Variants in SATL1 observed in about 807,000 individuals in gnomAD.
SATL1 encodes spermidine/spermine N(1)-acetyltransferase-like protein 1.
In SATL1, 47 loss-of-function variants were observed where a neutral mutation model predicts 51.8. The observed-to-expected ratio is 0.91, with a 90% CI of 0.72 to 1.16. The LOEUF is 1.16. SATL1 is among the 50% of genes most tolerant of loss of function. SATL1 has a pLI of 0.00. For missense variants in SATL1, 520 were observed against 526.4 expected, an observed-to-expected ratio of 0.99 and a Z score of 0.12; for synonymous variants, 176 against 182.4, an observed-to-expected ratio of 0.97 and a Z score of 0.28.
In SATL1 at chrX:85,107,947, A is replaced by G; in HGVS notation, c.1022T>C (p.Leu341Pro). ...MWPQSLSELV[L>P]SEASISQPGP... ...TGGTTGGCTTATGCTTGCTTCACTC[A>G]GGACTAGTTCGCTCAGGCTTTGTGG... is the stretch of plus-strand genomic sequence containing the variant. Residue 341 changes from leucine to proline, a missense_variant, in exon 3 of 8, where the codon CTG becomes CCG. Transcript: ENST00000644105. 1 of 1,209,175 alleles carries G rather than the reference A, an allele frequency of 8.3e-7. No individual in the cohort carries two copies. The highest frequency in any genetic ancestry group is 1.8e-5 in the African/African-American group (1 of 56,911).
intron 2 of SATL1, among the ~76,000 whole-genome samples, chrX:85,203,518 C>T (rs1304757301): frequency 9.0e-6 from 1 of 110,989 alleles, no homozygotes; most frequent in Admixed American, 9.5e-5. Flanking sequence ...CTGGGAGTAC[C>T]ATCCCAGGGA....
chrX:85,118,086 G>GTTTTTTTTTTTTTTTTTTTTTTTT (rs780585183), intron 2 of SATL1, among the ~76,000 whole-genome samples: 2 of 38,820 alleles, frequency 5.2e-5, no homozygotes, highest in Non-Finnish European at 1.5e-4. Context: ...AAAGAACTTA[G>GTTTTTTTTTTTTTTTTTTTTTTTT]CTTTTTTTTT....
At chrX:85,146,879 C>T (rs1029331017) in intron 2 of SATL1, among the ~76,000 whole-genome samples, 3 of 112,550 alleles carry the variant, frequency 2.7e-5, no homozygotes, top group African/African-American at 9.7e-5. Flanking sequence ...TCTACAGCTC[C>T]CAGCATGAGT....
intron 2 of SATL1, among the ~76,000 whole-genome samples, chrX:85,197,766 C>T (rs899823456): frequency 6.5e-5 from 7 of 107,330 alleles, no homozygotes; most frequent in South Asian, 8.5e-4. Flanking sequence ...TTTGTCCTTG[C>T]GATAGTTTAC....
chrX:85,129,955 A>G (rs59273963), intron 2 of SATL1, among the ~76,000 whole-genome samples: 9,562 of 111,247 alleles, frequency 0.086, 340 homozygotes, highest in South Asian at 0.22. Context: ...ATGTTTATTT[A>G]TTTGTGTATG....
chrX:85,241,276 G>A (rs921800368), intron 1 of SATL1, among the ~76,000 whole-genome samples: 3 of 110,573 alleles, frequency 2.7e-5, no homozygotes, highest in African/African-American at 9.9e-5. Flanking sequence ...GACTACTGGA[G>A]AGGAGAGAGA....
intron 2 of SATL1, among the ~76,000 whole-genome samples, chrX:85,149,464 C>G (rs1469137082): frequency 9.0e-6 from 1 of 111,515 alleles, no homozygotes; most frequent in Non-Finnish European, 1.9e-5. Flanking sequence ...ATCAAGCGGA[C>G]CTATTATACA....
At chrX:85,231,100 C>A (rs1397697696) in intron 1 of SATL1, among the ~76,000 whole-genome samples, 4 of 111,762 alleles carry the variant, frequency 3.6e-5, no homozygotes, top group African/African-American at 1.3e-4. Flanking sequence ...GAGATACCTG[C>A]ACTCCCATGT....
chrX:85,199,454 G>A (rs1454563180), intron 2 of SATL1, among the ~76,000 whole-genome samples: 1 of 111,682 alleles, frequency 9.0e-6, no homozygotes, highest in Non-Finnish European at 1.9e-5. Flanking sequence ...AAGAAAAGCA[G>A]TATATGGAAG....
intron 2 of SATL1, among the ~76,000 whole-genome samples, chrX:85,151,293 A>G (rs1182579765): frequency 4.5e-5 from 5 of 110,873 alleles, no homozygotes; most frequent in Non-Finnish European, 9.4e-5. Context: ...AGAACTACAA[A>G]CCGGTGCTCA....
chrX:85,160,647 GAA>G (rs1201576700), intron 2 of SATL1, among the ~76,000 whole-genome samples: 1 of 110,367 alleles, frequency 9.1e-6, no homozygotes, highest in Non-Finnish European at 1.9e-5. Context: ...GAATGAAAAG[GAA>G]AAAATAAAAC....
intron 3 of SATL1, among the ~76,000 whole-genome samples, chrX:85,105,511 G>A (rs1183822444): frequency 9.0e-6 from 1 of 111,482 alleles, no homozygotes; most frequent in Non-Finnish European, 1.9e-5. Flanking sequence ...ACACTTTAAG[G>A]ACCACCACAA....
chrX:85,095,074 A>G (rs1330170304), intron 4 of SATL1, 78 bp from the exon 5 acceptor site: 11 of 552,917 alleles, frequency 2.0e-5, no homozygotes, highest in Non-Finnish European at 3.1e-5. Context: ...AAGCACTAGG[A>G]ATTTCTCTCT....
chrX:85,140,925 C>G (rs1926093279), intron 2 of SATL1, among the ~76,000 whole-genome samples: 1 of 111,808 alleles, frequency 8.9e-6, no homozygotes, highest in African/African-American at 3.2e-5. Flanking sequence ...TAATAAATCT[C>G]ACATAACAAG....
chrX:85,121,601 C>T (rs1925510368), intron 2 of SATL1, among the ~76,000 whole-genome samples: 1 of 106,671 alleles, frequency 9.4e-6, no homozygotes, highest in Non-Finnish European at 1.9e-5. Context: ...CTCCACACCT[C>T]CCTTAAGTCT....
At chrX:85,113,620 A>C (rs746062288) in intron 2 of SATL1, among the ~76,000 whole-genome samples, 26 of 112,143 alleles carry the variant, frequency 2.3e-4, no homozygotes, top group African/African-American at 8.1e-4. Context: ...TCCAGTCCTC[A>C]TTTGTATTAA....
At chrX:85,234,734 C>G (rs1928446641) in intron 1 of SATL1, among the ~76,000 whole-genome samples, 1 of 110,386 alleles carries the variant, frequency 9.1e-6, no homozygotes, top group African/African-American at 3.3e-5. Flanking sequence ...AAGCAAGAAA[C>G]TAAATCATGC....
At position 85,195,558 on chromosome X, in the gene SATL1, AT is replaced by A. The variant is rs778438627; in HGVS notation, c.-313+28646del. ...CTGGGCGCAGTGGCTCACGCCTGTA[AT>A]CACAGCACTTTGGGAGGCTGAGGTG... is the stretch of plus-strand genomic sequence containing the variant. On this transcript the variant is annotated intron_variant, in intron 2 of 7. Transcript: ENST00000644105. 1.5e-4 allele frequency among the ~76,000 whole-genome samples: 17 copies of A among 111,555 alleles called. No homozygotes were observed. The East Asian group carries it at 4.8e-3, about 32-fold the overall frequency.
chrX:85,171,034 T>C (rs1470246034), intron 2 of SATL1, among the ~76,000 whole-genome samples: 1 of 111,394 alleles, frequency 9.0e-6, no homozygotes, highest in Non-Finnish European at 1.9e-5. Flanking sequence ...ACTAAAAAGG[T>C]TACCTGTAGA....
Sources: gnomAD v4.1 joint callset for allele counts (sites outside exome capture counted in the v4.1 genomes callset) on GRCh38, gnomAD v4.1.1 for gene constraint, MANE v1.5 for transcripts, NCBI Gene and HGNC (gene_info 2026-07-23, HGNC 2026-07-21) for gene names.